The following IDH2 variants were observed in gnomAD, a reference collection of about 807,000 sequenced individuals.
IDH2 encodes the protein isocitrate dehydrogenase (NADP(+)) 2.
IDH2 carries 18 observed loss-of-function variants against 50.5 expected under a neutral mutation model. The ratio of observed to expected loss-of-function variants is 0.36; its 90% CI spans 0.25 to 0.53. The LOEUF (loss-of-function observed/expected upper bound fraction) is 0.53, where lower values mean the gene tolerates loss of function less well. Ranked by LOEUF, IDH2 falls within the 20% of genes least tolerant of loss-of-function variation. IDH2 has a pLI of 0.92. For synonymous variants in IDH2, 280 were observed against 239.8 expected, an observed-to-expected ratio of 1.17 and a Z score of -1.55; for missense variants, 518 against 610.7, an observed-to-expected ratio of 0.85 and a Z score of 1.60.
intron 1 of IDH2, among the ~76,000 whole-genome samples, chr15:90,101,108 AC>A (rs1326284599): frequency 6.6e-6 from 1 of 152,076 alleles, no homozygotes; most frequent in Non-Finnish European, 1.5e-5. Context: ...TCCCAGAGGT[AC>A]AAAAGCAGAC....
chr15:90,097,584 A>G (rs147462345), intron 1 of IDH2, among the ~76,000 whole-genome samples: 1 of 152,314 alleles, frequency 6.6e-6, no homozygotes, highest in African/African-American at 2.4e-5. Flanking sequence ...GACAAATACT[A>G]TATGCTTCTA....
rs16943901 is a variant in IDH2, at chr15:90,087,140, T to A, written c.939A>T (p.Gly313=). Residue 313 remains glycine, a synonymous_variant, in exon 7 of 11, where the codon GGA becomes GGT. Coordinates refer to ENST00000330062, the MANE Select transcript of IDH2 (RefSeq NM_002168.4). ...GFVWACKNYD[G]DVQSDILAQG... is the part of the protein sequence containing the mutation. The stretch of plus-strand genomic sequence containing the variant: ...GGGCCAGGATGTCTGACTGCACATC[T>A]CCGTCATAGTTCTTGCAGGCCCACA... 6.2e-7 allele frequency: 1 copy of A among 1,613,876 alleles called. No individual in the cohort carries two copies. Among genetic ancestry groups the A allele is most frequent in the African/African-American group, 1.3e-5 (1 of 74,900 alleles).
intron 1 of IDH2, among the ~76,000 whole-genome samples, chr15:90,096,683 G>A (rs1338114672): frequency 6.6e-6 from 1 of 152,144 alleles, no homozygotes. Flanking sequence ...GGAAGGCTGA[G>A]GCGGGTGGAT....
At chr15:90,086,961 T>C in intron 7 of IDH2, 151 bp downstream of exon 7, 1 of 792,120 alleles carries the variant, frequency 1.3e-6, no homozygotes. Context: ...CTCACTCAGA[T>C]GCCAGGGAGC....
At chr15:90,092,363 C>T (rs534092527) in intron 1 of IDH2, among the ~76,000 whole-genome samples, 1 of 150,578 alleles carries the variant, frequency 6.6e-6, no homozygotes, top group East Asian at 1.9e-4. Context: ...TTCTTTCCTT[C>T]CTTTCCTTTC....
rs867541960 is a variant in IDH2 at position 90,100,575 on chromosome 15, C to A, written c.115+1701G>T. The A allele has an allele frequency of 1.8e-5, 18 of 978,844 alleles. No homozygotes were observed. The Middle Eastern group carries it at 1.6e-3, about 86-fold the overall frequency. 60.6% of individuals were successfully genotyped at this position (978,844 alleles called of 1,614,324 possible). On this transcript the variant is annotated intron_variant, in intron 1 of 10. Transcript: ENST00000330062. The surrounding 1 kb of genome is among the most constrained non-coding windows in gnomAD (Gnocchi z 4.1). ...CCGCACTGCCCCAAGCTCTAACTTA[C>A]CAGAAACATCACCAGCAGTCGCTGG...
At chr15:90,088,830 G>T in intron 3 of IDH2, 83 bp from the exon 4 acceptor site, 1 of 1,477,552 alleles carries the variant, frequency 6.8e-7, no homozygotes, top group South Asian at 1.1e-5. Context: ...AACACAGCCA[G>T]ACGGGGGTCC....
rs762925398 is a variant in IDH2 at position 90,087,424 on chromosome 15, T to A, written c.815+15A>T. The A allele has an allele frequency of 1.2e-6, 2 of 1,614,010 alleles. No homozygotes were observed. The highest frequency in any genetic ancestry group is 3.3e-5 in the Admixed American group (2 of 60,014). On this transcript the variant is annotated intron_variant, in intron 6 of 10. Transcript: ENST00000330062. ...AAGGGAAGAAAGGCCACAGAGTACA[T>A]GGATGAGGCTTTACTTGTCAAAGAT... is the stretch of plus-strand genomic sequence containing the variant.
chr15:90,089,927 A>G (rs7178604), intron 3 of IDH2, among the ~76,000 whole-genome samples: 57,811 of 152,032 alleles, frequency 0.38, 12,195 homozygotes, highest in African/African-American at 0.58. Context: ...GGGCAACAGC[A>G]ATGTTCCCCA....
chr15:90,096,744 C>T (rs913638330), intron 1 of IDH2, among the ~76,000 whole-genome samples: 1 of 152,162 alleles, frequency 6.6e-6, no homozygotes, highest in African/African-American at 2.4e-5. Flanking sequence ...GAAACCCTGA[C>T]TCTACTAAAA....
chr15:90,088,975 C>T (rs1004004151), intron 3 of IDH2, among the ~76,000 whole-genome samples: 14 of 134,820 alleles, frequency 1.0e-4, no homozygotes, highest in South Asian at 9.2e-4. Flanking sequence ...AGTGCAATGG[C>T]GCGATCTCGG....
At chr15:90,101,580 G>A (rs963179004) in intron 1 of IDH2, among the ~76,000 whole-genome samples, 1 of 152,012 alleles carries the variant, frequency 6.6e-6, no homozygotes, top group Admixed American at 6.5e-5. Flanking sequence ...AGGTCTCTGC[G>A]GCGAGTGAGC....
At chr15:90,101,206 G>A (rs964702947) in intron 1 of IDH2, among the ~76,000 whole-genome samples, 2 of 152,022 alleles carry the variant, frequency 1.3e-5, no homozygotes, top group Non-Finnish European at 2.9e-5. Flanking sequence ...CCCACAATCC[G>A]GTTAACCATT....
At chr15:90,095,990 T>A (rs2151554361) in intron 1 of IDH2, among the ~76,000 whole-genome samples, 1 of 152,154 alleles carries the variant, frequency 6.6e-6, no homozygotes, top group South Asian at 2.1e-4. Context: ...AACAAATAAC[T>A]CAACGTTAAA....
chr15:90,097,401 G>A (rs1051199308), intron 1 of IDH2, among the ~76,000 whole-genome samples: 1 of 152,142 alleles, frequency 6.6e-6, no homozygotes, highest in Non-Finnish European at 1.5e-5. Flanking sequence ...GCAGTTTCAG[G>A]TATCCACTGG....
chr15:90,101,880 G>A (rs1354300073), intron 1 of IDH2, among the ~76,000 whole-genome samples: 1 of 151,984 alleles, frequency 6.6e-6, no homozygotes, highest in Non-Finnish European at 1.5e-5. Flanking sequence ...TCTCGCCAGG[G>A]GAGCGCGCGG....
intron 3 of IDH2, 68 bp from the exon 4 acceptor site, chr15:90,088,815 GCAA>G (rs1293885244): frequency 1.2e-5 from 19 of 1,561,496 alleles, no homozygotes; most frequent in Admixed American, 1.7e-5. Context: ...TGAACCCCAA[GCAA>G]CAACACAGCC....
chr15:90,088,961 C>A (rs1357321594), intron 3 of IDH2, among the ~76,000 whole-genome samples: 2 of 132,188 alleles, frequency 1.5e-5, no homozygotes, highest in Non-Finnish European at 3.1e-5. Flanking sequence ...ATTGCCCAGG[C>A]TGGAGTGCAA....
chr15:90,099,713 C>A (rs1279492693), intron 1 of IDH2, among the ~76,000 whole-genome samples: 3 of 152,138 alleles, frequency 2.0e-5, no homozygotes, highest in Non-Finnish European at 4.4e-5. Flanking sequence ...CCACCTCAGC[C>A]CCCCAAAATT....
Sources: allele counts gnomAD v4.1 joint callset (sites outside exome capture counted in the v4.1 genomes callset), GRCh38; gene constraint gnomAD v4.1.1; non-coding constraint Gnocchi (gnomAD v3.1); transcripts MANE v1.5; gene names NCBI Gene and HGNC (gene_info 2026-07-23, HGNC 2026-07-21).